Variants in OPRL1 observed in about 807,000 individuals in gnomAD.
OPRL1 encodes opioid related nociceptin receptor 1.
A neutral mutation model predicts 15.5 loss-of-function variants in OPRL1; 5 were observed. The ratio of observed to expected loss-of-function variants is 0.32; its 90% CI spans 0.17 to 0.68. The LOEUF (loss-of-function observed/expected upper bound fraction) is 0.68. Among genes scored for constraint, OPRL1 ranks in the 30% least tolerant of loss-of-function variants. The pLI is 0.72. For synonymous variants in OPRL1, 223 were observed against 230.2 expected (o/e 0.97, Z 0.28); for missense variants, 406 against 515.3 (o/e 0.79, Z 2.05).
chr20:64,092,794 T>C lies in OPRL1; in HGVS notation c.74T>C (p.Leu25Pro). The change falls in exon 3 of 5, where the codon CTG (leucine) becomes CCG (proline). Residue 25 changes from leucine to proline, a missense_variant. Transcript: ENST00000336866. ...CACCTTCAGGGCAACCTGTCCCTCC[T>C]GAGCCCCAACCACAGTCTGCTGCCC... Reference protein sequence around the residue: ...GSHLQGNLSLLSPNHSLLPPH... With the variant: ...GSHLQGNLSLPSPNHSLLPPH... The C allele has an allele frequency of 6.2e-7, 1 of 1,612,776 alleles. No homozygotes were observed. The highest frequency in any genetic ancestry group is 2.2e-5 in the East Asian group (1 of 44,872).
intron 1 of OPRL1, among the ~76,000 whole-genome samples, chr20:64,087,678 C>T (rs2060063856): frequency 1.3e-5 from 2 of 152,220 alleles, no homozygotes; most frequent in African/African-American, 4.8e-5. Context: ...TTGGGCTATC[C>T]CTAGTATCCT....
intron 1 of OPRL1, among the ~76,000 whole-genome samples, chr20:64,082,789 T>C (rs2059981595): frequency 1.9e-5 from 2 of 106,654 alleles, no homozygotes; most frequent in African/African-American, 3.7e-5. Flanking sequence ...TTGTACTGCA[T>C]GCGTGAGTGT....
rs2145568917 is a variant in OPRL1, at chr20:64,083,784, G to A, written c.-185+3432G>A. 1.5e-6 allele frequency: 2 copies of A among 1,334,170 alleles called. No individual in the cohort carries two copies. The highest frequency in any genetic ancestry group is 8.3e-5 in the Admixed American group (2 of 24,152). The allele number at this position is 1,334,170 out of a possible 1,614,324, so 82.6% of individuals were successfully genotyped here. ...GCCGGCTCCGCTCAACGCTCCCGGTGCGCCCCCTCTGCCCTCCGACCCCCT... is the reference window on the plus strand; with the variant it reads ...GCCGGCTCCGCTCAACGCTCCCGGTACGCCCCCTCTGCCCTCCGACCCCCT... On this transcript the variant is annotated intron_variant, in intron 1 of 4. Transcript: ENST00000336866. The surrounding 1 kb of genome is among the most constrained non-coding windows in gnomAD (Gnocchi z 4.9).
In OPRL1 at chr20:64,098,011, G is replaced by C. The variant is rs768146093; in HGVS notation, c.443G>C (p.Arg148Pro). 6.2e-7 allele frequency: 1 copy of C among 1,611,788 alleles called. No homozygotes were observed. The highest frequency in any genetic ancestry group is 1.3e-5 in the African/African-American group (1 of 74,460). Reference protein sequence around the residue: ...TFTLTAMSVDRYVAICHPIRA... With the variant: ...TFTLTAMSVDPYVAICHPIRA... ...ACCCTAACTGCCATGAGTGTGGATC[G>C]CTATGTAGCCATCTGCCACCCCATC... Residue 148 changes from arginine to proline, a missense_variant, in exon 4 of 5, where the codon CGC becomes CCC. Transcript: ENST00000336866.
intron 1 of OPRL1, among the ~76,000 whole-genome samples, chr20:64,088,453 C>T (rs979315260): frequency 2.7e-5 from 4 of 148,738 alleles, no homozygotes; most frequent in African/African-American, 7.5e-5. Flanking sequence ...AGTCGGGGGA[C>T]AGGACCCGTC....
chr20:64,081,585 C>T (rs1392513210), intron 1 of OPRL1, among the ~76,000 whole-genome samples: 3 of 152,214 alleles, frequency 2.0e-5, no homozygotes, highest in African/African-American at 7.2e-5. Context: ...ACACAGCATC[C>T]TGAAGTCCAT....
chr20:64,085,436 T>C (rs1008794143), intron 1 of OPRL1, among the ~76,000 whole-genome samples: 6 of 152,190 alleles, frequency 3.9e-5, no homozygotes, highest in African/African-American at 1.4e-4. Flanking sequence ...TGGGTTTTGC[T>C]GAACACTGTG....
Position 64,098,786 on chromosome 20 carries a change from C to T in OPRL1, c.1100C>T (p.Pro367Leu), listed in dbSNP as rs151122545. Residue 367 changes from proline (P) to leucine (L), a missense_variant, in exon 5 of 5, where the codon CCG (proline) becomes CTG (leucine). By Grantham distance (98) the Pro-to-Leu change is moderately conservative (BLOSUM62 -3). Transcript: ENST00000336866. ...ALACKTSETV[P>L]RPA The stretch of plus-strand genomic sequence containing the variant: ...GCCTGCAAGACCTCTGAGACGGTAC[C>T]GCGGCCCGCATGACTAGGCGTGGAC... 192 of 1,596,270 alleles carry T rather than the reference C, an allele frequency of 1.2e-4. No individual in the cohort carries two copies. The African/African-American group carries it at 1.7e-3, about 14-fold the overall frequency.
chr20:64,085,414 C>T (rs778568464), intron 1 of OPRL1, among the ~76,000 whole-genome samples: 50 of 152,238 alleles, frequency 3.3e-4, no homozygotes, highest in Admixed American at 9.2e-4. Context: ...CTGGTGTCCC[C>T]AGGACTAGAG....
chr20:64,084,245 G>A (rs1482372191), intron 1 of OPRL1: 1 of 1,357,232 alleles, frequency 7.4e-7, no homozygotes. Context: ...AGGGAGGAGG[G>A]CGTCCCGTCG....
intron 1 of OPRL1, among the ~76,000 whole-genome samples, chr20:64,091,616 G>A (rs1049073701): frequency 3.3e-5 from 5 of 152,158 alleles, no homozygotes; most frequent in Non-Finnish European, 7.4e-5. Context: ...GAGCCCAGCT[G>A]GGGGGTCCGG....
In OPRL1 at chr20:64,097,184, T is replaced by G. The variant is rs1445165407; in HGVS notation, c.234-618T>G. On this transcript the variant is annotated intron_variant, in intron 3 of 4. Transcript: ENST00000336866. The surrounding 1 kb of genome is among the most constrained non-coding windows in gnomAD (Gnocchi z 4.2). ...AACCATTAACTTATTTAACAAAAATTTATTAATCACCAACGATTTTCCCAG... is the reference window on the plus strand; with the variant it reads ...AACCATTAACTTATTTAACAAAAATGTATTAATCACCAACGATTTTCCCAG... 6.6e-6 allele frequency among the ~76,000 whole-genome samples: 1 copy of G among 152,026 alleles called. No individual in the cohort carries two copies. Among genetic ancestry groups the G allele is most frequent in the Non-Finnish European group, 1.5e-5 (1 of 68,006 alleles).
At position 64,097,964 on chromosome 20, in the gene OPRL1, C is replaced by T. The variant is rs754309338; in HGVS notation, c.396C>T (p.Tyr132=). 2.5e-6 allele frequency: 4 copies of T among 1,613,688 alleles called. No homozygotes were observed. The South Asian group carries it at 3.3e-5, about 13-fold the overall frequency. ...AGACAGTCATTGCCATTGACTACTACAACATGTTCACCAGCACCTTCACCC... is the reference window on the plus strand; with the variant it reads ...AGACAGTCATTGCCATTGACTACTATAACATGTTCACCAGCACCTTCACCC... ...LCKTVIAIDY[Y]NMFTSTFTLT... The change falls in exon 4 of 5, where the codon TAC becomes TAT. Residue 132 remains tyrosine, a synonymous_variant. Coordinates refer to ENST00000336866, the MANE Select transcript of OPRL1 (RefSeq NM_182647.4). This position sits in a 1 kb window ranked among gnomAD's most constrained non-coding sequence, Gnocchi z 4.2.
At chr20:64,085,556 G>T (rs955570883) in intron 1 of OPRL1, among the ~76,000 whole-genome samples, 3 of 152,116 alleles carry the variant, frequency 2.0e-5, no homozygotes, top group African/African-American at 7.2e-5. Context: ...ATTTCTTCAG[G>T]CACTCATAAG....
In OPRL1 at chr20:64,098,057, G is replaced by A. The variant is rs141501506; in HGVS notation, c.489G>A (p.Thr163=). The change falls in exon 4 of 5, where the codon ACG becomes ACA. Residue 163 remains threonine, a synonymous_variant. Coordinates refer to ENST00000336866, the MANE Select transcript of OPRL1 (RefSeq NM_182647.4). ...CHPIRALDVR[T]SSKAQAVNVA... is the part of the protein sequence containing the mutation. Reference sequence around the variant, plus strand: ...CCATCCGTGCCCTCGACGTCCGCACGTCCAGCAAAGCCCAGGCTGTCAATG... The same window carrying A: ...CCATCCGTGCCCTCGACGTCCGCACATCCAGCAAAGCCCAGGCTGTCAATG... 39 of 1,613,278 alleles carry A rather than the reference G, an allele frequency of 2.4e-5. No homozygotes were observed. Among genetic ancestry groups the A allele is most frequent in the Admixed American group, 3.3e-5 (2 of 60,002 alleles).
At position 64,083,672 on chromosome 20, in the gene OPRL1, T is replaced by C; in HGVS notation, c.-185+3320T>C. ...AGCCGGATGGCGGCGCGCGCGGACTTCTGCCGCTGGATGAGCAGCGCGATC... is the reference window on the plus strand; with the variant it reads ...AGCCGGATGGCGGCGCGCGCGGACTCCTGCCGCTGGATGAGCAGCGCGATC... On this transcript the variant is annotated intron_variant, in intron 1 of 4. Transcript: ENST00000336866. This position sits in a 1 kb window ranked among gnomAD's most constrained non-coding sequence, Gnocchi z 4.9. 2 of 1,431,602 alleles carry C rather than the reference T, an allele frequency of 1.4e-6. No individual in the cohort carries two copies. Among genetic ancestry groups the C allele is most frequent in the Non-Finnish European group, 1.8e-6 (2 of 1,099,816 alleles). 88.7% of individuals were successfully genotyped at this position (1,431,602 alleles called of 1,614,324 possible).
chr20:64,088,780 G>T (rs2060088033), intron 1 of OPRL1, among the ~76,000 whole-genome samples: 1 of 134,352 alleles, frequency 7.4e-6, no homozygotes, highest in Admixed American at 7.2e-5. Flanking sequence ...AGGGAGGGTA[G>T]GATCTGTGCA....
chr20:64,091,373 A>G (rs902553059), intron 1 of OPRL1, among the ~76,000 whole-genome samples: 1 of 152,200 alleles, frequency 6.6e-6, no homozygotes, highest in Non-Finnish European at 1.5e-5. Flanking sequence ...TCTCCAAGTG[A>G]CGAACAGACC....
chr20:64,088,120 C>T (rs2060069127), intron 1 of OPRL1, among the ~76,000 whole-genome samples: 1 of 152,228 alleles, frequency 6.6e-6, no homozygotes, highest in African/African-American at 2.4e-5. Context: ...GACCAGAGCT[C>T]ACAGGCCTAG....
Sources: gnomAD v4.1 joint callset for allele counts (sites outside exome capture counted in the v4.1 genomes callset) on GRCh38, gnomAD v4.1.1 for gene constraint, Gnocchi (gnomAD v3.1) non-coding constraint, MANE v1.5 for transcripts, NCBI Gene and HGNC (gene_info 2026-07-23, HGNC 2026-07-21) for gene names.